The following GLIPR1L2 variants were observed in gnomAD, a reference collection of about 807,000 sequenced individuals.
GLIPR1L2 encodes the protein GLIPR1-like protein 2.
GLIPR1L2 carries 21 observed loss-of-function variants against 28.4 expected under a neutral mutation model. The ratio of observed to expected loss-of-function variants is 0.74; its 90% CI spans 0.52 to 1.06. The LOEUF (loss-of-function observed/expected upper bound fraction) is 1.06, where lower values mean the gene tolerates loss of function less well. Ranked by LOEUF, GLIPR1L2 falls within the 50% of genes least tolerant of loss-of-function variation. GLIPR1L2 has a pLI of 0.00. For synonymous variants in GLIPR1L2, 145 were observed against 139.3 expected (o/e 1.04, Z -0.29); for missense variants, 476 against 416.9 (o/e 1.14, Z -1.23).
In GLIPR1L2 at chr12:75,430,853, A is replaced by G; in HGVS notation, c.727A>G (p.Met243Val). Residue 243 changes from methionine (M) to valine (V), a missense_variant, in exon 6 of 6, where the codon ATG (methionine) becomes GTG (valine). Met to Val is a conservative substitution (Grantham distance 21). Transcript: ENST00000550916. Reference sequence around the variant, plus strand: ...CCGATTTTGGTATCCAAAATGGGAAATGCCCCGGCCAGTTGTGTGTGATCC... The same window carrying G: ...CCGATTTTGGTATCCAAAATGGGAAGTGCCCCGGCCAGTTGTGTGTGATCC... ...YYRFWYPKWE[M>V]PRPVVCDPLC... 2 of 1,533,940 alleles carry G rather than the reference A, an allele frequency of 1.3e-6. No homozygotes were observed. The highest frequency in any genetic ancestry group is 1.7e-6 in the Non-Finnish European group (2 of 1,145,422).
chr12:75,399,845 A>G (rs2045720660), intron 1 of GLIPR1L2, among the ~76,000 whole-genome samples: 1 of 152,226 alleles, frequency 6.6e-6, no homozygotes, highest in Non-Finnish European at 1.5e-5. Context: ...TAGTCCTTGT[A>G]GAGAAGAATC....
intron 4 of GLIPR1L2, among the ~76,000 whole-genome samples, chr12:75,429,477 G>A (rs1030003802): frequency 6.6e-6 from 1 of 152,278 alleles, no homozygotes; most frequent in Non-Finnish European, 1.5e-5. Flanking sequence ...GAAGGGACTT[G>A]TCTTGTCTCA....
intron 3 of GLIPR1L2, among the ~76,000 whole-genome samples, chr12:75,420,085 A>G (rs1180929339): frequency 6.6e-6 from 1 of 152,208 alleles, no homozygotes; most frequent in Non-Finnish European, 1.5e-5. Flanking sequence ...GTAGTGAAAA[A>G]TGAAACGAGT....
At chr12:75,391,729 G>A (rs1165034515) in intron 1 of GLIPR1L2, among the ~76,000 whole-genome samples, 1 of 152,168 alleles carries the variant, frequency 6.6e-6, no homozygotes, top group Non-Finnish European at 1.5e-5. Context: ...CAGGTTCCTT[G>A]GGTCTGGATT....
chr12:75,430,892 A>T lies in GLIPR1L2; in HGVS notation c.766A>T (p.Ile256Phe). The T allele has an allele frequency of 6.5e-7, 1 of 1,535,972 alleles. No individual in the cohort carries two copies. The highest frequency in any genetic ancestry group is 8.7e-7 in the Non-Finnish European group (1 of 1,146,790). ...PVVCDPLCTFILLLRILCFIL... is the reference protein window; with the variant it reads ...PVVCDPLCTFFLLLRILCFIL... ...TGTGTGTGATCCACTGTGCACATTC[A>T]TTTTATTATTGAGAATATTATGTTT... The change falls in exon 6 of 6, where the codon ATT (isoleucine) becomes TTT (phenylalanine). Residue 256 changes from isoleucine to phenylalanine, a missense_variant. Coordinates refer to ENST00000550916, the MANE Select transcript of GLIPR1L2 (RefSeq NM_001270396.2).
chr12:75,429,286 T>C (rs144371717), intron 4 of GLIPR1L2, among the ~76,000 whole-genome samples: 1 of 152,248 alleles, frequency 6.6e-6, no homozygotes, highest in African/African-American at 2.4e-5. Context: ...CCAAAGGAGA[T>C]TATTTTGGAG....
intron 1 of GLIPR1L2, among the ~76,000 whole-genome samples, chr12:75,401,106 T>C (rs1310748728): frequency 1.3e-5 from 2 of 151,770 alleles, no homozygotes; most frequent in African/African-American, 4.8e-5. Context: ...ACAAAGAAAC[T>C]TCATCAAGCC....
chr12:75,410,331 G>A, intron 1 of GLIPR1L2, 103 bp from the exon 2 acceptor site: 1 of 1,116,146 alleles, frequency 9.0e-7, no homozygotes, highest in East Asian at 2.7e-5. Context: ...CAAGTACAAA[G>A]TTAGAATTGT....
In GLIPR1L2 at chr12:75,432,353, A is replaced by T. The variant is rs1215456554; in HGVS notation, c.*1192A>T. 6.6e-6 allele frequency: 1 copy of T among 152,176 alleles called. No individual in the cohort carries two copies. The highest frequency in any genetic ancestry group is 1.9e-4 in the East Asian group (1 of 5,202). 9.4% of individuals were successfully genotyped at this position (152,176 alleles called of 1,614,324 possible). On this transcript the variant is annotated 3_prime_UTR_variant, in exon 6 of 6. Coordinates refer to ENST00000550916, the MANE Select transcript of GLIPR1L2 (RefSeq NM_001270396.2). ...TTTATGACAGGGACTTAGGGAACTT[A>T]TTCTAATTGAGAATCAGAGGCTTAA... is the stretch of plus-strand genomic sequence containing the variant.
intron 1 of GLIPR1L2, among the ~76,000 whole-genome samples, chr12:75,395,279 A>G (rs1313738753): frequency 6.6e-6 from 1 of 152,032 alleles, no homozygotes; most frequent in African/African-American, 2.4e-5. Flanking sequence ...AGTAAATTCC[A>G]CTGGGTTATC....
chr12:75,428,014 T>A (rs769011900), intron 4 of GLIPR1L2, among the ~76,000 whole-genome samples: 28 of 152,230 alleles, frequency 1.8e-4, no homozygotes, highest in Admixed American at 8.5e-4. Context: ...AGTGAGGCAT[T>A]GCTGAAAAGA....
At chr12:75,427,187 A>G (rs982656595) in intron 4 of GLIPR1L2, among the ~76,000 whole-genome samples, 11 of 151,818 alleles carry the variant, frequency 7.2e-5, no homozygotes, top group African/African-American at 2.2e-4. Context: ...CTGACAAACA[A>G]TAGAGGTGTA....
chr12:75,417,384 G>A (rs2045933409), intron 3 of GLIPR1L2, among the ~76,000 whole-genome samples: 1 of 152,118 alleles, frequency 6.6e-6, no homozygotes, highest in African/African-American at 2.4e-5. Flanking sequence ...ACACAGCCCT[G>A]CCAACACCTT....
intron 4 of GLIPR1L2, among the ~76,000 whole-genome samples, chr12:75,425,997 A>T (rs1329184014): frequency 6.6e-6 from 1 of 152,230 alleles, no homozygotes; most frequent in African/African-American, 2.4e-5. Context: ...CAGTTTCAAC[A>T]TGTGAATAAT....
In GLIPR1L2 at chr12:75,431,028, A is replaced by G. The variant is rs1273945046; in HGVS notation, c.902A>G (p.Glu301Gly). 7.9e-6 allele frequency: 12 copies of G among 1,518,380 alleles called. No homozygotes were observed. The Admixed American group carries it at 2.2e-4, about 27-fold the overall frequency. 94.1% of individuals were successfully genotyped at this position (1,518,380 alleles called of 1,614,324 possible). The change falls in exon 6 of 6, where the codon GAG (glutamate) becomes GGG (glycine). Residue 301 changes from glutamate to glycine, a missense_variant. Transcript: ENST00000550916. The part of the protein sequence containing the change: ...PEESEAGNEE[E>G]EKEEEKKEKE... ...GAATCTGAAGCAGGGAATGAAGAGG[A>G]GGAAAAAGAGGAAGAGAAGAAAGAG...
intron 2 of GLIPR1L2, among the ~76,000 whole-genome samples, chr12:75,411,912 A>G (rs2045871978): frequency 6.6e-6 from 1 of 151,982 alleles, no homozygotes; most frequent in Non-Finnish European, 1.5e-5. Context: ...AGTTTTACAG[A>G]TAATTTCTGG....
chr12:75,427,466 G>T (rs570354561), intron 4 of GLIPR1L2, among the ~76,000 whole-genome samples: 2 of 152,156 alleles, frequency 1.3e-5, no homozygotes, highest in African/African-American at 2.4e-5. Flanking sequence ...CCAAAGGAAG[G>T]TCAGTTCATC....
intron 4 of GLIPR1L2, among the ~76,000 whole-genome samples, chr12:75,430,489 G>A (rs1301689715): frequency 2.0e-5 from 3 of 152,160 alleles, no homozygotes; most frequent in Non-Finnish European, 4.4e-5. Flanking sequence ...GCACTAGAAT[G>A]CATATCTCTT....
intron 2 of GLIPR1L2, 142 bp downstream of exon 2, chr12:75,410,821 A>G (rs1333079867): frequency 3.2e-6 from 2 of 634,124 alleles, no homozygotes; most frequent in Admixed American, 3.5e-5. Context: ...CAATCTTCCT[A>G]GTCTTCAAAA....
Sources: allele counts gnomAD v4.1 joint callset (sites outside exome capture counted in the v4.1 genomes callset), GRCh38; gene constraint gnomAD v4.1.1; transcripts MANE v1.5; gene names NCBI Gene and HGNC (gene_info 2026-07-23, HGNC 2026-07-21).